The following AHCY variants were observed in gnomAD, a reference collection of about 807,000 sequenced individuals.
AHCY encodes S-adenosyl-L-homocysteine hydrolase.
AHCY carries 24 observed loss-of-function variants against 45.4 expected under a neutral mutation model. The observed-to-expected ratio is 0.53, with a 90% CI of 0.38 to 0.74. The LOEUF is 0.74. Ranked by LOEUF, AHCY falls within the 30% of genes least tolerant of loss-of-function variation. The probability of loss-of-function intolerance (pLI) is 0.00; values close to 1 mark genes in which losing one functional copy is unlikely to be tolerated. For synonymous variants in AHCY, 245 were observed against 235.1 expected (o/e 1.04, Z -0.39); for missense variants, 449 against 594.1 (o/e 0.76, Z 2.54).
chr20:34,278,968 G>A (rs2035936752), downstream of AHCY, among the ~76,000 whole-genome samples: 1 of 151,808 alleles, frequency 6.6e-6, no homozygotes, highest in South Asian at 2.1e-4. Flanking sequence ...AATTAGCCAG[G>A]TGTGGTGATG....
chr20:34,308,846 G>A (rs2036920367), intron 1 of AHCY, among the ~76,000 whole-genome samples: 1 of 151,636 alleles, frequency 6.6e-6, no homozygotes, highest in African/African-American at 2.4e-5. Context: ...TAGAGACGGG[G>A]TTTCACCATG....
chr20:34,286,553 C>A (rs2036191628), intron 8 of AHCY: 1 of 152,248 alleles, frequency 6.6e-6, no homozygotes, highest in African/African-American at 2.4e-5. Flanking sequence ...GATACCCAGG[C>A]CAGACGCGGT....
At chr20:34,255,069 G>GTTTACA in the AHCY span, among the ~76,000 whole-genome samples, 531 of 152,234 alleles carry the variant, frequency 3.5e-3, 4 homozygotes, top group African/African-American at 0.012. Flanking sequence ...AGTGAATAGT[G>GTTTACA]TTTACATTAG....
downstream of AHCY, among the ~76,000 whole-genome samples, chr20:34,276,942 G>T (rs979761598): frequency 6.6e-6 from 1 of 152,064 alleles, no homozygotes; most frequent in Non-Finnish European, 1.5e-5. Context: ...ATGAGAATCC[G>T]GATTCCTGGG....
the AHCY span, among the ~76,000 whole-genome samples, chr20:34,254,570 C>T: frequency 1.3e-5 from 2 of 152,156 alleles, no homozygotes; most frequent in Non-Finnish European, 2.9e-5. Flanking sequence ...AAACCCGTCC[C>T]GAATTGATGT....
chr20:34,236,961 A>C, the AHCY span, among the ~76,000 whole-genome samples: 1 of 152,044 alleles, frequency 6.6e-6, no homozygotes. Flanking sequence ...GTTGAAAAAA[A>C]CTCTTATTTC....
chr20:34,237,497 A>T, the AHCY span, among the ~76,000 whole-genome samples: 1 of 152,186 alleles, frequency 6.6e-6, no homozygotes, highest in Non-Finnish European at 1.5e-5. Context: ...AACTGATATA[A>T]CTTTGTATCC....
At chr20:34,267,288 G>A in the AHCY span, among the ~76,000 whole-genome samples, 1 of 152,008 alleles carries the variant, frequency 6.6e-6, no homozygotes, top group Non-Finnish European at 1.5e-5. Flanking sequence ...TGAGACTGAA[G>A]GGAAGAGTGG....
rs565800600 is a variant in AHCY at position 34,299,742 on chromosome 20, G to A, written c.28+3501C>T. On this transcript the variant is annotated intron_variant, in intron 1 of 9. Coordinates refer to ENST00000217426, the MANE Select transcript of AHCY (RefSeq NM_000687.4). ...TACTCTCCCAATCTTCCCATTTTAG[G>A]AAATGAAACCACCATTCAACCAGCT... is the stretch of plus-strand genomic sequence containing the variant. Among the ~76,000 whole-genome samples, 12 of 152,238 alleles carry A rather than the reference G, an allele frequency of 7.9e-5. No homozygotes were observed. The East Asian group carries it at 2.3e-3, about 29-fold the overall frequency.
At chr20:34,285,412 T>C in intron 9 of AHCY, 28 bp downstream of exon 9, 1 of 1,612,988 alleles carries the variant, frequency 6.2e-7, no homozygotes, top group Non-Finnish European at 8.5e-7. Context: ...CACGTGACCC[T>C]TGGCTTGAGG....
chr20:34,256,439 T>G, the AHCY span, among the ~76,000 whole-genome samples: 2 of 152,202 alleles, frequency 1.3e-5, no homozygotes, highest in Non-Finnish European at 1.5e-5. Context: ...ACAGACCCAG[T>G]AGGGCTGGAC....
chr20:34,296,464 C>T (rs575577483), intron 1 of AHCY, among the ~76,000 whole-genome samples: 1 of 152,278 alleles, frequency 6.6e-6, no homozygotes, highest in South Asian at 2.1e-4. Flanking sequence ...TAATCTACAT[C>T]CTCTGGCTTC....
chr20:34,257,070 C>CTTTTT, the AHCY span, among the ~76,000 whole-genome samples: 1 of 139,420 alleles, frequency 7.2e-6, no homozygotes, highest in African/African-American at 2.6e-5. Context: ...CTTTCTTTCT[C>CTTTTT]TTTTTTTTTT....
chr20:34,296,177 G>A (rs1409924411), intron 1 of AHCY, among the ~76,000 whole-genome samples: 1 of 152,070 alleles, frequency 6.6e-6, no homozygotes. Context: ...GAGCTTGTCT[G>A]ACCAGTAAAA....
chr20:34,258,855 TATATGATATATATA>T, the AHCY span, among the ~76,000 whole-genome samples: 1 of 124,674 alleles, frequency 8.0e-6, no homozygotes, highest in Non-Finnish European at 1.6e-5. Flanking sequence ...GTATATATAA[TATATGATATATATA>T]ATACTATATA....
chr20:34,303,038 C>A (rs1022391815), intron 1 of AHCY: 32 of 985,462 alleles, frequency 3.2e-5, no homozygotes, highest in Non-Finnish European at 3.6e-5. Flanking sequence ...CATGCTGGGA[C>A]TTGTAGTCCA....
the AHCY span, among the ~76,000 whole-genome samples, chr20:34,243,724 T>C: frequency 6.6e-6 from 1 of 151,646 alleles, no homozygotes; most frequent in Non-Finnish European, 1.5e-5. Context: ...ATTTTACATC[T>C]TTCTAATACT....
chr20:34,264,133 A>T, the AHCY span, among the ~76,000 whole-genome samples: 2 of 152,248 alleles, frequency 1.3e-5, no homozygotes, highest in Admixed American at 1.3e-4. Context: ...TACAATATAC[A>T]TAAATCTATT....
chr20:34,235,840 A>AGAAG, the AHCY span, among the ~76,000 whole-genome samples: 56 of 53,778 alleles, frequency 1.0e-3, 1 homozygote, highest in Non-Finnish European at 1.5e-3. Flanking sequence ...AAAGAAAGAA[A>AGAAG]GAAGGAAGGA....
Sources: allele counts gnomAD v4.1 joint callset (sites outside exome capture counted in the v4.1 genomes callset), GRCh38; gene constraint gnomAD v4.1.1; transcripts MANE v1.5; gene names NCBI Gene and HGNC (gene_info 2026-07-23, HGNC 2026-07-21).